Variants in CSMD1 observed in about 807,000 individuals in gnomAD.
CSMD1 encodes the protein CUB and sushi domain-containing protein 1.
A neutral mutation model predicts 417.5 loss-of-function variants in CSMD1; 213 were observed. That is an observed-to-expected ratio of 0.51 (90% CI 0.46 to 0.57). The LOEUF is 0.57. CSMD1 is among the 20% of genes least tolerant of loss of function. The pLI, the probability that CSMD1 is intolerant of heterozygous loss-of-function variation, is 0.00. For synonymous variants in CSMD1, 2,862 were observed against 1,736.8 expected, an observed-to-expected ratio of 1.65 and a Z score of -16.11; for missense variants, 6,923 against 4,529.7, an observed-to-expected ratio of 1.53 and a Z score of -15.17.
intron 26 of CSMD1, among the ~76,000 whole-genome samples, chr8:3,266,569 G>C (rs1235917380): frequency 1.5e-5 from 2 of 131,992 alleles, no homozygotes; most frequent in Non-Finnish European, 3.1e-5. Flanking sequence ...TCATGCCATT[G>C]CATTCCAGCC....
chr8:4,904,553 G>C (rs186358870), intron 1 of CSMD1, among the ~76,000 whole-genome samples: 11 of 152,122 alleles, frequency 7.2e-5, no homozygotes, highest in Non-Finnish European at 1.5e-4. Flanking sequence ...TGGACACATG[G>C]AGCCACAGAA....
At chr8:4,951,409 C>G (rs1415963399) in intron 1 of CSMD1, among the ~76,000 whole-genome samples, 1 of 146,942 alleles carries the variant, frequency 6.8e-6, no homozygotes, top group African/African-American at 2.5e-5. Context: ...TCCTTTACTA[C>G]CTTCTATTAA....
At chr8:2,962,080 T>C (rs909731762) in intron 61 of CSMD1, among the ~76,000 whole-genome samples, 1 of 152,158 alleles carries the variant, frequency 6.6e-6, no homozygotes, top group East Asian at 1.9e-4. Context: ...AACCCAGCGA[T>C]AAAACTTGAC....
intron 7 of CSMD1, among the ~76,000 whole-genome samples, chr8:3,656,341 A>C (rs4875768): frequency 0.34 from 51,053 of 152,084 alleles, 8,759 homozygotes; most frequent in Admixed American, 0.39. Context: ...TTTCCTAGAA[A>C]AGCTTTCCAG....
chr8:4,337,335 G>A (rs1800228931), intron 3 of CSMD1, among the ~76,000 whole-genome samples: 1 of 151,992 alleles, frequency 6.6e-6, no homozygotes. Context: ...AGTTACCCCA[G>A]CAACCGACAT....
intron 3 of CSMD1, among the ~76,000 whole-genome samples, chr8:4,075,749 C>T (rs1440039755): frequency 6.6e-6 from 1 of 152,012 alleles, no homozygotes; most frequent in African/African-American, 2.4e-5. Flanking sequence ...TTGTGTGTCC[C>T]TTTCAGAATT....
intron 5 of CSMD1, among the ~76,000 whole-genome samples, chr8:3,857,399 TAAC>T (rs904695550): frequency 6.6e-6 from 1 of 152,148 alleles, no homozygotes; most frequent in African/African-American, 2.4e-5. Flanking sequence ...ATATTTGGAA[TAAC>T]AAGTGAAAAA....
intron 52 of CSMD1, among the ~76,000 whole-genome samples, chr8:3,017,401 G>A (rs186181928): frequency 7.5e-4 from 114 of 152,232 alleles, no homozygotes; most frequent in Non-Finnish European, 1.5e-3. Context: ...AAATGTCATC[G>A]TCTACTGAAA....
At chr8:3,755,675 T>C (rs1797617520) in intron 5 of CSMD1, among the ~76,000 whole-genome samples, 4 of 152,148 alleles carry the variant, frequency 2.6e-5, no homozygotes, top group South Asian at 4.1e-4. Flanking sequence ...ATGAAATACA[T>C]AGTCAAGCTT....
intron 1 of CSMD1, among the ~76,000 whole-genome samples, chr8:4,797,782 T>C (rs990450164): frequency 4.6e-5 from 7 of 152,180 alleles, no homozygotes; most frequent in African/African-American, 1.7e-4. Context: ...AGACTAATCA[T>C]TCAGAGAAAT....
intron 1 of CSMD1, among the ~76,000 whole-genome samples, chr8:4,875,726 T>C (rs7003995): frequency 1 from 151,534 of 152,240 alleles, 75,424 homozygotes; most frequent in East Asian, 1. Flanking sequence ...TACTAACAAA[T>C]ATGTATATAG....
At chr8:4,431,687 G>C (rs529946094) in intron 2 of CSMD1, among the ~76,000 whole-genome samples, 1 of 152,220 alleles carries the variant, frequency 6.6e-6, no homozygotes, top group African/African-American at 2.4e-5. Context: ...TGAAACAAAA[G>C]AATCCTAAAT....
At chr8:4,787,781 C>A (rs1269461395) in intron 1 of CSMD1, 1 of 1,572,192 alleles carries the variant, frequency 6.4e-7, no homozygotes, top group Non-Finnish European at 8.7e-7. Flanking sequence ...GGACTTGTTA[C>A]AGGCCAGACT....
intron 3 of CSMD1, among the ~76,000 whole-genome samples, chr8:4,412,248 G>C (rs566199593): frequency 2.0e-5 from 3 of 152,158 alleles, no homozygotes; most frequent in Admixed American, 6.5e-5. Context: ...GAGGTGACTA[G>C]ATCATGGTGG....
chr8:3,650,837 A>C (rs1797819370), intron 7 of CSMD1, among the ~76,000 whole-genome samples: 1 of 152,074 alleles, frequency 6.6e-6, no homozygotes, highest in African/African-American at 2.4e-5. Context: ...ACCATCTCCA[A>C]TCCTGACATC....
At chr8:4,966,788 A>G (rs1272793170) in intron 1 of CSMD1, among the ~76,000 whole-genome samples, 1 of 152,224 alleles carries the variant, frequency 6.6e-6, no homozygotes, top group African/African-American at 2.4e-5. Flanking sequence ...GATATACTCG[A>G]ACTGTAAAAA....
At chr8:3,361,651 CAAAAAAAAAA>C (rs765648287) in intron 20 of CSMD1, among the ~76,000 whole-genome samples, 1 of 79,212 alleles carries the variant, frequency 1.3e-5, no homozygotes, top group African/African-American at 5.3e-5. Flanking sequence ...GATTCCATCT[CAAAAAAAAAA>C]AAAAAAAAAA....
chr8:4,020,604 G>A (rs1002944206), intron 4 of CSMD1, among the ~76,000 whole-genome samples: 2 of 152,160 alleles, frequency 1.3e-5, no homozygotes, highest in Non-Finnish European at 2.9e-5. Context: ...TATGGTAAGA[G>A]ATCAAAACTG....
intron 1 of CSMD1, among the ~76,000 whole-genome samples, chr8:4,763,580 T>C (rs894053012): frequency 6.6e-6 from 1 of 152,202 alleles, no homozygotes; most frequent in African/African-American, 2.4e-5. Context: ...ACTTGCTGCG[T>C]ATTTTCTGAA....
Sources: gnomAD v4.1 joint callset for allele counts (sites outside exome capture counted in the v4.1 genomes callset) on GRCh38, gnomAD v4.1.1 for gene constraint, MANE v1.5 for transcripts, NCBI Gene and HGNC (gene_info 2026-07-23, HGNC 2026-07-21) for gene names.